Variants in KMT2C observed in about 807,000 individuals in gnomAD.
KMT2C encodes the protein histone-lysine N-methyltransferase 2C.
Under a neutral mutation model 507.9 loss-of-function variants are expected in KMT2C, and 88 were observed. That is an observed-to-expected ratio of 0.17 (90% CI 0.15 to 0.21). The LOEUF is 0.21. Ranked by LOEUF, KMT2C falls within the 10% of genes least tolerant of loss-of-function variation. KMT2C has a pLI of 1.00. For synonymous variants in KMT2C, 2,049 were observed against 2,080.8 expected, an observed-to-expected ratio of 0.98 and a Z score of 0.42; for missense variants, 4,954 against 5,957.8, an observed-to-expected ratio of 0.83 and a Z score of 5.55.
intron 2 of KMT2C, among the ~76,000 whole-genome samples, chr7:152,349,586 A>C (rs1202749419): frequency 6.6e-6 from 1 of 152,154 alleles, no homozygotes; most frequent in Non-Finnish European, 1.5e-5. Flanking sequence ...GAAAAGGCAA[A>C]ACTATGGAGA....
At chr7:152,413,828 T>C (rs1021737538) in intron 1 of KMT2C, among the ~76,000 whole-genome samples, 3 of 141,936 alleles carry the variant, frequency 2.1e-5, no homozygotes, top group Non-Finnish European at 4.5e-5. Flanking sequence ...GAGGTTGCAG[T>C]GAGCCGAGAT....
At chr7:152,270,549 A>G (rs977386842) in intron 7 of KMT2C, among the ~76,000 whole-genome samples, 4 of 152,150 alleles carry the variant, frequency 2.6e-5, no homozygotes, top group Non-Finnish European at 5.9e-5. Context: ...CTAGTAGGCT[A>G]CTATGCTCCA....
chr7:152,206,088 T>G (rs1297688361), intron 24 of KMT2C, among the ~76,000 whole-genome samples: 1 of 152,122 alleles, frequency 6.6e-6, no homozygotes, highest in Non-Finnish European at 1.5e-5. Flanking sequence ...CTTTCACTGG[T>G]TAAAAAAGGG....
chr7:152,295,780 C>T (rs1343765868), intron 6 of KMT2C, among the ~76,000 whole-genome samples: 2 of 152,206 alleles, frequency 1.3e-5, no homozygotes, highest in Middle Eastern at 3.4e-3. Context: ...AAGATATGAA[C>T]GCTCGGCTGG....
At chr7:152,401,178 G>T (rs55794932) in intron 1 of KMT2C, among the ~76,000 whole-genome samples, 75 of 147,668 alleles carry the variant, frequency 5.1e-4, no homozygotes, top group African/African-American at 1.8e-3. Context: ...CTCCGCCTCC[G>T]GGGTTCAAGC....
intron 1 of KMT2C, among the ~76,000 whole-genome samples, chr7:152,429,365 AC>A (rs2097847751): frequency 6.6e-6 from 1 of 152,214 alleles, no homozygotes; most frequent in Non-Finnish European, 1.5e-5. Context: ...ACAAAGTGAA[AC>A]AATTTTCCTT....
At chr7:152,358,268 TCATAGGC>T (rs1398502470) in intron 2 of KMT2C, among the ~76,000 whole-genome samples, 1 of 152,066 alleles carries the variant, frequency 6.6e-6, no homozygotes, top group Admixed American at 6.6e-5. Flanking sequence ...ACTAGATGGT[TCATAGGC>T]CAGAATATAC....
At chr7:152,306,330 C>CA (rs1240842777) in intron 6 of KMT2C, among the ~76,000 whole-genome samples, 2 of 152,138 alleles carry the variant, frequency 1.3e-5, no homozygotes, top group African/African-American at 4.8e-5. Context: ...TTCTAAGAAT[C>CA]AGAGTTATAC....
chr7:152,152,399 G>A (rs958270625), intron 49 of KMT2C, among the ~76,000 whole-genome samples: 11 of 152,198 alleles, frequency 7.2e-5, no homozygotes, highest in Non-Finnish European at 1.3e-4. Flanking sequence ...CGGGATGGGG[G>A]TTGGGAGACA....
rs200804156 is a variant in KMT2C at position 152,163,590 on chromosome 7, C to T, written c.9987G>A (p.Met3329Ile). 5.1e-5 allele frequency: 82 copies of T among 1,604,212 alleles called. No homozygotes were observed. Among genetic ancestry groups the T allele is most frequent in the Middle Eastern group, 3.3e-4 (2 of 6,014 alleles). Residue 3329 changes from methionine (M) to isoleucine (I), a missense_variant, in exon 43 of 59, where the codon ATG becomes ATA. Coordinates refer to ENST00000262189, the MANE Select transcript of KMT2C (RefSeq NM_170606.3). ...TGGGTTGCCATCCAGGTAAACTGGG[C>T]ATTCTAACAGGGCTAGTATGGCCAG... Reference protein sequence around the residue: ...VISGHTSPVRMPSLPGWQPNS... With the variant: ...VISGHTSPVRIPSLPGWQPNS...
intron 1 of KMT2C, among the ~76,000 whole-genome samples, chr7:152,416,976 G>A (rs1237085994): frequency 6.7e-6 from 1 of 148,682 alleles, no homozygotes; most frequent in African/African-American, 2.5e-5. Context: ...TTGAACCTGG[G>A]AGGCAGAGGT....
At chr7:152,356,223 A>G (rs1015941551) in intron 2 of KMT2C, among the ~76,000 whole-genome samples, 1 of 152,210 alleles carries the variant, frequency 6.6e-6, no homozygotes, top group Non-Finnish European at 1.5e-5. Flanking sequence ...AGAATCAAAA[A>G]TGAGAAGGGG....
At chr7:152,430,737 C>T (rs531356836) in intron 1 of KMT2C, among the ~76,000 whole-genome samples, 79 of 152,322 alleles carry the variant, frequency 5.2e-4, no homozygotes, top group Non-Finnish European at 8.5e-4. Flanking sequence ...GTTGCCCAGG[C>T]TGGTCTCAAA....
intron 1 of KMT2C, among the ~76,000 whole-genome samples, chr7:152,362,979 TTA>T (rs2097208710): frequency 6.6e-6 from 1 of 152,238 alleles, no homozygotes; most frequent in Admixed American, 6.5e-5. Flanking sequence ...TCGAATTCTT[TTA>T]TTTCATCGGT....
rs1398135733 is a variant in KMT2C, at chr7:152,144,146, A to C, written c.14343+567T>G. ...GACAAAGTAAGAGCTTTGTAATTCC[A>C]TTCTGAGACATCCAAGGAGAAAAAT... On this transcript the variant is annotated intron_variant, in intron 55 of 58. Transcript: ENST00000262189. This position sits in a 1 kb window ranked among gnomAD's most constrained non-coding sequence, Gnocchi z 4.4. Among the ~76,000 whole-genome samples, 1 of 152,208 alleles carries C rather than the reference A, an allele frequency of 6.6e-6. No homozygotes were observed. Among genetic ancestry groups the C allele is most frequent in the Non-Finnish European group, 1.5e-5 (1 of 68,040 alleles).
At chr7:152,356,759 A>T (rs901001092) in intron 2 of KMT2C, among the ~76,000 whole-genome samples, 1 of 150,848 alleles carries the variant, frequency 6.6e-6, no homozygotes, top group African/African-American at 2.4e-5. Flanking sequence ...GCGTGGTGGC[A>T]TCCACCTATA....
chr7:152,357,425 G>GAA (rs2097161320), intron 2 of KMT2C, among the ~76,000 whole-genome samples: 1 of 152,066 alleles, frequency 6.6e-6, no homozygotes, highest in South Asian at 2.1e-4. Context: ...TAAGGAGGCT[G>GAA]ACGCAGGAGA....
rs1563251678 is a variant in KMT2C, at chr7:152,176,309, TAGA to T, written c.9141_9143del (p.Leu3048del). 3 of 1,614,142 alleles carry T rather than the reference TAGA, an allele frequency of 1.9e-6. No homozygotes were observed. Among genetic ancestry groups the T allele is most frequent in the Admixed American group, 1.7e-5 (1 of 60,024 alleles). ...CCTGTAGAAGTAGAGGCTGTTCTTC[TAGA>T]AGAAGGGGCCTCTCTCTATTCTGCT... On this transcript the variant is annotated inframe_deletion, in exon 38 of 59. Transcript: ENST00000262189.
intron 6 of KMT2C, among the ~76,000 whole-genome samples, chr7:152,279,585 T>G (rs867214046): frequency 1.3e-5 from 2 of 152,366 alleles, no homozygotes; most frequent in Middle Eastern, 3.4e-3. Context: ...TGAATTGACC[T>G]GAAGTAATGA....
Sources: gnomAD v4.1 joint callset for allele counts (sites outside exome capture counted in the v4.1 genomes callset) on GRCh38, gnomAD v4.1.1 for gene constraint, Gnocchi (gnomAD v3.1) non-coding constraint, MANE v1.5 for transcripts, NCBI Gene and HGNC (gene_info 2026-07-23, HGNC 2026-07-21) for gene names.